The following TSHR variants were observed in gnomAD, a reference collection of about 807,000 sequenced individuals.
The protein encoded by TSHR is thyroid stimulating hormone receptor, also known as thyrotropin receptor.
A neutral mutation model predicts 64.1 loss-of-function variants in TSHR; 51 were observed. That is an observed-to-expected ratio of 0.80 (90% confidence interval 0.64 to 1.01). TSHR has a LOEUF of 1.01. Among genes scored for constraint, TSHR ranks in the 50% least tolerant of loss-of-function variants. The pLI is 0.00. For synonymous variants in TSHR, 361 were observed against 361.9 expected (o/e 1.00, Z 0.03); for missense variants, 877 against 942.8 (o/e 0.93, Z 0.91).
chr14:81,002,781 C>CTTTTTTTTT (rs1174635270), intron 1 of TSHR, among the ~76,000 whole-genome samples: 20 of 44,318 alleles, frequency 4.5e-4, no homozygotes, highest in South Asian at 1.3e-3. Context: ...CCTAATGCCT[C>CTTTTTTTTT]TTTTTTTTTT....
At position 80,982,446 on chromosome 14, in the gene TSHR, T is replaced by G. The variant is rs955808338; in HGVS notation, c.170+26596T>G. 2.0e-5 allele frequency: 23 copies of G among 1,179,098 alleles called. No homozygotes were observed. The African/African-American group carries it at 3.3e-4, about 17-fold the overall frequency. The allele number at this position is 1,179,098 out of a possible 1,614,324, so 73.0% of individuals were successfully genotyped here. A position where few individuals can be genotyped will look rare whatever the true frequency, so the allele number is the denominator to read the frequency against. On this transcript the variant is annotated intron_variant, in intron 1 of 9. Transcript: ENST00000298171. Reference sequence around the variant, plus strand: ...AGGTCTGTGCTGAGGAGTTGGAGCCTGTGACTGGGGCCAGTTGCAAACCTA... The same window carrying G: ...AGGTCTGTGCTGAGGAGTTGGAGCCGGTGACTGGGGCCAGTTGCAAACCTA...
At chr14:81,063,658 T>A (rs1490358200) in intron 2 of TSHR, among the ~76,000 whole-genome samples, 18 of 152,162 alleles carry the variant, frequency 1.2e-4, no homozygotes, top group Admixed American at 1.2e-3. Context: ...ATTCAACAGA[T>A]ATTTATTGAG....
chr14:81,068,771 T>A (rs1341900520), intron 3 of TSHR, among the ~76,000 whole-genome samples: 1 of 152,142 alleles, frequency 6.6e-6, no homozygotes, highest in South Asian at 2.1e-4. Flanking sequence ...TTGGTCAGAG[T>A]TGGATTTGAA....
At position 80,956,783 on chromosome 14, in the gene TSHR, TTAACAGTAGATGAA is replaced by T. The variant is rs1886718099; in HGVS notation, c.170+936_170+949del. 2.0e-5 allele frequency among the ~76,000 whole-genome samples: 3 copies of T among 152,312 alleles called. No individual in the cohort carries two copies. In the East Asian group the frequency reaches 5.8e-4, roughly 29 times the overall value. On this transcript the variant is annotated intron_variant, in intron 1 of 9. Coordinates refer to ENST00000298171, the MANE Select transcript of TSHR (RefSeq NM_000369.5). ...CAAGAATTTAGCTCATGAAGACTAT[TTAACAGTAGATGAA>T]TATTTGAGCACAGAGATATATTTCT...
At chr14:81,036,295 C>T (rs1184981379) in intron 1 of TSHR, among the ~76,000 whole-genome samples, 2 of 152,172 alleles carry the variant, frequency 1.3e-5, no homozygotes, top group Non-Finnish European at 2.9e-5. Context: ...ACATTTTAAT[C>T]AAATCATCAA....
intron 7 of TSHR, among the ~76,000 whole-genome samples, chr14:81,105,469 A>G (rs1466846955): frequency 3.3e-5 from 5 of 152,158 alleles, no homozygotes; most frequent in Non-Finnish European, 5.9e-5. Context: ...AAGTACCCCA[A>G]CAGCAGTGCT....
chr14:81,129,895 G>C (rs1402699207), intron 8 of TSHR, among the ~76,000 whole-genome samples: 1 of 152,158 alleles, frequency 6.6e-6, no homozygotes, highest in Non-Finnish European at 1.5e-5. Flanking sequence ...CTAATCATCT[G>C]TATTCCCCTC....
chr14:81,129,816 C>T lies in TSHR; in HGVS notation c.693-9863C>T, dbSNP rs558454666. ...CACTTTTTAAGGCTGGCCCCTTCAC[C>T]GGGGCCCTAGATCCCATCGCCTCTC... On this transcript the variant is annotated intron_variant, in intron 8 of 9. Transcript: ENST00000298171. Among the ~76,000 whole-genome samples the T allele has an allele frequency of 1.3e-4, 20 of 152,314 alleles. No homozygotes were observed. In the East Asian group the frequency reaches 1.9e-3, roughly 15 times the overall value.
At chr14:81,039,223 C>G (rs762922387) in intron 1 of TSHR, among the ~76,000 whole-genome samples, 6 of 151,866 alleles carry the variant, frequency 4.0e-5, no homozygotes, top group Non-Finnish European at 7.4e-5. Context: ...CAATAAGCAT[C>G]ATACATCACA....
At chr14:81,065,236 C>T (rs1047416434) in intron 2 of TSHR, among the ~76,000 whole-genome samples, 4 of 152,154 alleles carry the variant, frequency 2.6e-5, no homozygotes, top group Non-Finnish European at 5.9e-5. Flanking sequence ...ACACTTCTCC[C>T]AGGGCACAGG....
At chr14:80,999,924 TTC>T (rs1421950937) in intron 1 of TSHR, among the ~76,000 whole-genome samples, 1 of 147,924 alleles carries the variant, frequency 6.8e-6, no homozygotes, top group Non-Finnish European at 1.5e-5. Context: ...CAAATTTTTT[TTC>T]TTTTTTTTCT....
intron 8 of TSHR, among the ~76,000 whole-genome samples, chr14:81,136,656 G>A (rs987988370): frequency 2.0e-5 from 3 of 152,176 alleles, no homozygotes; most frequent in African/African-American, 7.2e-5. Context: ...ATTGCTTTTG[G>A]CTTCAGCTCA....
At chr14:81,028,847 A>G (rs1219354570) in intron 1 of TSHR, among the ~76,000 whole-genome samples, 3 of 152,108 alleles carry the variant, frequency 2.0e-5, no homozygotes, top group African/African-American at 4.8e-5. Context: ...ACAATTTTTA[A>G]TAGAGAAAAT....
chr14:81,001,110 C>G (rs1158915658), intron 1 of TSHR: 1 of 164,978 alleles, frequency 6.1e-6, no homozygotes, highest in Admixed American at 6.3e-5. Flanking sequence ...AAGCTGAGAA[C>G]TAACTTTTAT....
chr14:81,094,420 A>G (rs1009376367), intron 6 of TSHR: 2 of 152,208 alleles, frequency 1.3e-5, no homozygotes, highest in South Asian at 2.1e-4. Flanking sequence ...ACATCTTCAT[A>G]AAAGAGTTCT....
intron 1 of TSHR, among the ~76,000 whole-genome samples, chr14:80,959,163 C>A (rs1474541852): frequency 6.6e-6 from 1 of 152,070 alleles, no homozygotes; most frequent in African/African-American, 2.4e-5. Flanking sequence ...TTCCTCACTC[C>A]TCCCCTCCAG....
chr14:81,072,195 C>T (rs1887120778), intron 3 of TSHR, among the ~76,000 whole-genome samples: 1 of 152,094 alleles, frequency 6.6e-6, no homozygotes, highest in Non-Finnish European at 1.5e-5. Flanking sequence ...GTAACTGAAA[C>T]TTGAGGGATG....
chr14:81,128,285 T>C (rs1891098426), intron 8 of TSHR, among the ~76,000 whole-genome samples: 1 of 152,174 alleles, frequency 6.6e-6, no homozygotes, highest in Non-Finnish European at 1.5e-5. Flanking sequence ...TAGAAAGTAT[T>C]CTTATTCCTA....
intron 7 of TSHR, chr14:81,104,402 A>C (rs566395849): frequency 2.0e-6 from 2 of 985,448 alleles, no homozygotes; most frequent in Non-Finnish European, 2.4e-6. Context: ...CTGAAATTCC[A>C]TCTTGGAGCT....
Sources: gnomAD v4.1 joint callset for allele counts (sites outside exome capture counted in the v4.1 genomes callset) on GRCh38, gnomAD v4.1.1 for gene constraint, MANE v1.5 for transcripts, NCBI Gene and HGNC (gene_info 2026-07-23, HGNC 2026-07-21) for gene names.